The following SPAG16 variants were observed in gnomAD, a reference collection of about 807,000 sequenced individuals.
The protein encoded by SPAG16 is sperm associated antigen 16.
SPAG16 carries 86 observed loss-of-function variants against 80.4 expected under a neutral mutation model. The observed-to-expected ratio is 1.07, with a 90% CI of 0.90 to 1.28. The LOEUF is 1.28. Among genes scored for constraint, SPAG16 ranks in the 50% most tolerant of loss-of-function variants. The pLI is 0.00. For synonymous variants in SPAG16, 294 were observed against 265.9 expected, an observed-to-expected ratio of 1.11 and a Z score of -1.03; for missense variants, 870 against 765.3, an observed-to-expected ratio of 1.14 and a Z score of -1.61.
intron 10 of SPAG16, among the ~76,000 whole-genome samples, chr2:213,560,527 A>C (rs1488419702): frequency 6.6e-6 from 1 of 152,152 alleles, no homozygotes; most frequent in Non-Finnish European, 1.5e-5. Context: ...AAATGCATTG[A>C]AGAAGAAAAA....
chr2:213,801,304 C>T (rs2071383614), intron 10 of SPAG16, among the ~76,000 whole-genome samples: 1 of 152,164 alleles, frequency 6.6e-6, no homozygotes, highest in Admixed American at 6.5e-5. Context: ...TTCTACTAAT[C>T]AGGTGTCTTC....
Position 213,328,593 on chromosome 2 carries a change from G to A in SPAG16, c.536+11237G>A, listed in dbSNP as rs191855395. Among the ~76,000 whole-genome samples the A allele has an allele frequency of 2.6e-5, 4 of 152,252 alleles. No homozygotes were observed. In the East Asian group the frequency reaches 7.7e-4, roughly 29 times the overall value. ...TCTGCCATCTCAGGGAGATGGCAGA[G>A]AGTTTCTCTCTTTTTAGTCCATATT... is the stretch of plus-strand genomic sequence containing the variant. On this transcript the variant is annotated intron_variant, in intron 5 of 15. Coordinates refer to ENST00000331683, the MANE Select transcript of SPAG16 (RefSeq NM_024532.5).
intron 13 of SPAG16, among the ~76,000 whole-genome samples, chr2:214,084,419 CT>C (rs1245736599): frequency 6.6e-6 from 1 of 152,092 alleles, no homozygotes; most frequent in Non-Finnish European, 1.5e-5. Flanking sequence ...GATTTTATGA[CT>C]TTTTTCTCAC....
At chr2:214,330,285 A>T (rs968559058) in intron 15 of SPAG16, among the ~76,000 whole-genome samples, 2 of 151,780 alleles carry the variant, frequency 1.3e-5, no homozygotes, top group African/African-American at 4.8e-5. Context: ...CTCAAAAAAA[A>T]AAAAAGGAAA....
intron 11 of SPAG16, among the ~76,000 whole-genome samples, chr2:213,890,305 A>G (rs139530735): frequency 2.0e-5 from 3 of 152,180 alleles, no homozygotes; most frequent in African/African-American, 7.2e-5. Flanking sequence ...AAATCTGAAA[A>G]CATATTAGTA....
chr2:213,749,596 G>C (rs1293183944), intron 10 of SPAG16, among the ~76,000 whole-genome samples: 2 of 152,132 alleles, frequency 1.3e-5, no homozygotes, highest in East Asian at 3.8e-4. Flanking sequence ...CTTGAAATGA[G>C]AATATGTTGT....
intron 10 of SPAG16, among the ~76,000 whole-genome samples, chr2:213,610,414 T>C (rs1011398062): frequency 7.2e-5 from 11 of 152,138 alleles, no homozygotes; most frequent in African/African-American, 2.7e-4. Flanking sequence ...CCATCTATTC[T>C]CTCCGAGGGC....
intron 9 of SPAG16, among the ~76,000 whole-genome samples, chr2:213,468,517 CTATGTATTTATATATAGATATATATA>C (rs1323088613): frequency 0.014 from 1,541 of 111,872 alleles, 22 homozygotes; most frequent in South Asian, 0.033. Context: ...ATATATATAT[CTATGTATTTATATATAGATATATATA>C]TATGTATTTA....
At chr2:213,713,572 G>A (rs553487684) in intron 10 of SPAG16, among the ~76,000 whole-genome samples, 14 of 152,278 alleles carry the variant, frequency 9.2e-5, no homozygotes, top group Admixed American at 2.6e-4. Context: ...ACTTTAGGGC[G>A]TCAATGACAT....
intron 11 of SPAG16, among the ~76,000 whole-genome samples, chr2:213,873,273 AT>A (rs1265263579): frequency 6.6e-6 from 1 of 151,790 alleles, no homozygotes; most frequent in Non-Finnish European, 1.5e-5. Flanking sequence ...ATTTGCTGCC[AT>A]TTTTTTCTCA....
At chr2:213,377,907 T>A (rs200761815) in intron 9 of SPAG16, among the ~76,000 whole-genome samples, 36 of 34,248 alleles carry the variant, frequency 1.1e-3, no homozygotes, top group African/African-American at 9.3e-3. Flanking sequence ...ATATATATTT[T>A]TTTTTTTTTT....
At position 214,337,757 on chromosome 2, in the gene SPAG16, T is replaced by C. The variant is rs536763583; in HGVS notation, c.1721-72383T>C. Among the ~76,000 whole-genome samples, 3 of 152,306 alleles carry C rather than the reference T, an allele frequency of 2.0e-5. No individual in the cohort carries two copies. The South Asian group carries it at 6.2e-4, about 32-fold the overall frequency. On this transcript the variant is annotated intron_variant, in intron 15 of 15. Coordinates refer to ENST00000331683, the MANE Select transcript of SPAG16 (RefSeq NM_024532.5). ...TTGGTAGGTTGATTTTCAGCCATAGTGGGAATATTTATACTTTGGTAATCA... is the reference window on the plus strand; with the variant it reads ...TTGGTAGGTTGATTTTCAGCCATAGCGGGAATATTTATACTTTGGTAATCA...
At chr2:214,319,721 C>T (rs1695968679) in intron 15 of SPAG16, among the ~76,000 whole-genome samples, 2 of 152,140 alleles carry the variant, frequency 1.3e-5, no homozygotes, top group South Asian at 4.1e-4. Flanking sequence ...CCTCACATCT[C>T]ATATTTGTAA....
chr2:213,799,757 G>C (rs1279658395), intron 10 of SPAG16, among the ~76,000 whole-genome samples: 2 of 151,858 alleles, frequency 1.3e-5, no homozygotes, highest in African/African-American at 4.8e-5. Context: ...CCATAATTGA[G>C]GATATCAAGC....
chr2:213,436,136 T>C (rs887143612), intron 9 of SPAG16, among the ~76,000 whole-genome samples: 3 of 152,194 alleles, frequency 2.0e-5, no homozygotes, highest in Non-Finnish European at 4.4e-5. Flanking sequence ...GTCCAAGCTG[T>C]TATTTATTAG....
intron 15 of SPAG16, among the ~76,000 whole-genome samples, chr2:214,395,876 G>A (rs1345559328): frequency 6.6e-6 from 1 of 152,058 alleles, no homozygotes; most frequent in African/African-American, 2.4e-5. Flanking sequence ...CTTTGTTATG[G>A]CTGCATAGTA....
At chr2:213,993,249 C>T (rs1022977552) in intron 12 of SPAG16, among the ~76,000 whole-genome samples, 4 of 152,152 alleles carry the variant, frequency 2.6e-5, no homozygotes, top group Admixed American at 2.6e-4. Flanking sequence ...AATTGATTGC[C>T]TGACATAATT....
chr2:214,285,647 C>CA (rs1275756104), intron 15 of SPAG16, among the ~76,000 whole-genome samples: 1 of 151,876 alleles, frequency 6.6e-6, no homozygotes, highest in Non-Finnish European at 1.5e-5. Context: ...ACTAAAAATA[C>CA]AAAAAATTAG....
At chr2:213,694,519 G>T (rs1478055132) in intron 10 of SPAG16, among the ~76,000 whole-genome samples, 1 of 152,150 alleles carries the variant, frequency 6.6e-6, no homozygotes, top group Admixed American at 6.6e-5. Flanking sequence ...AAGTCACAAT[G>T]ATCACGTGGA....
Sources: allele counts gnomAD v4.1 joint callset (sites outside exome capture counted in the v4.1 genomes callset), GRCh38; gene constraint gnomAD v4.1.1; transcripts MANE v1.5; gene names NCBI Gene and HGNC (gene_info 2026-07-23, HGNC 2026-07-21).